The following SHANK1 variants were observed in gnomAD, a reference collection of about 807,000 sequenced individuals.
The protein encoded by SHANK1 is SH3 and multiple ankyrin repeat domains protein 1.
A neutral mutation model predicts 165.6 loss-of-function variants in SHANK1; 35 were observed. That is an observed-to-expected ratio of 0.21 (90% confidence interval 0.16 to 0.28). SHANK1 has a LOEUF of 0.28. Among genes scored for constraint, SHANK1 ranks in the 10% least tolerant of loss-of-function variants. The pLI is 1.00. For synonymous variants in SHANK1, 1,428 were observed against 1,384.8 expected, an observed-to-expected ratio of 1.03 and a Z score of -0.69; for missense variants, 2,681 against 3,036.4, an observed-to-expected ratio of 0.88 and a Z score of 2.75.
chr19:50,709,436 C>T (rs952390115), intron 8 of SHANK1, among the ~76,000 whole-genome samples: 11 of 152,044 alleles, frequency 7.2e-5, no homozygotes, highest in African/African-American at 1.7e-4. Context: ...CCACTGCGCC[C>T]GGCCTGCATG....
rs1316866500 is a variant in SHANK1 at position 50,659,256 on chromosome 19, C to T, written c.*2709G>A. ...TCCCAGGAAGGAGGCGGGGCCGGCT[C>T]GAGGGGGTGGATACTGTGAGTTTAA... is the stretch of plus-strand genomic sequence containing the variant. On this transcript the variant is annotated 3_prime_UTR_variant, in exon 24 of 24. Transcript: ENST00000293441. 6.0e-6 allele frequency: 5 copies of T among 831,536 alleles called. No homozygotes were observed. In the East Asian group the frequency reaches 1.0e-4, roughly 17 times the overall value. The allele number at this position is 831,536 out of a possible 1,614,324, so 51.5% of individuals were successfully genotyped here.
chr19:50,687,670 G>A lies in SHANK1; in HGVS notation c.2309-8C>T. ...GCTTGGCCTGCTGGGGTGCTGAAAA[G>A]GTGATGAGGGGAGGCATCAGTATCA... On this transcript the variant is annotated splice_region_variant and splice_polypyrimidine_tract_variant and intron_variant, in intron 18 of 23. Transcript: ENST00000293441. 1 of 1,479,604 alleles carries A rather than the reference G, an allele frequency of 6.8e-7. No individual in the cohort carries two copies. The allele number at this position is 1,479,604 out of a possible 1,614,324, so 91.7% of individuals were successfully genotyped here.
At position 50,667,646 on chromosome 19, in the gene SHANK1, G is replaced by A; in HGVS notation, c.4314C>T (p.Pro1438=). 2.1e-5 allele frequency: 29 copies of A among 1,411,518 alleles called. No individual in the cohort carries two copies. The highest frequency in any genetic ancestry group is 2.7e-5 in the Non-Finnish European group (29 of 1,092,562). 87.4% of individuals were successfully genotyped at this position (1,411,518 alleles called of 1,614,324 possible). A position where few individuals can be genotyped will look rare whatever the true frequency, so the allele number is the denominator to read the frequency against. The change falls in exon 23 of 24, where the codon CCC becomes CCT. Residue 1438 remains proline (P), a synonymous_variant. Coordinates refer to ENST00000293441, the MANE Select transcript of SHANK1 (RefSeq NM_016148.5). This position sits in a 1 kb window ranked among gnomAD's most constrained non-coding sequence, Gnocchi z 5.7. ...GGTGTAGCAGGGAACGCCGGGCGGC[G>A]GGCGGGCTGGCGGGAAGGGACTTCT... The part of the protein sequence containing the change: ...SQEKSLPASP[P]AARRSLLHRL...
Position 50,686,698 on chromosome 19 carries a change from G to C in SHANK1, c.2458+46C>G. 1 of 1,577,686 alleles carries C rather than the reference G, an allele frequency of 6.3e-7. No individual in the cohort carries two copies. Among genetic ancestry groups the C allele is most frequent in the South Asian group, 1.1e-5 (1 of 90,156 alleles). ...GTGGGACAGGGATGCAGCGGGTGCC[G>C]GGGCTGGGGCCCGGCATCCCGAGGA... is the stretch of plus-strand genomic sequence containing the variant. On this transcript the variant is annotated intron_variant, in intron 20 of 23. Coordinates refer to ENST00000293441, the MANE Select transcript of SHANK1 (RefSeq NM_016148.5). This position sits in a 1 kb window ranked among gnomAD's most constrained non-coding sequence, Gnocchi z 5.7.
chr19:50,702,589 C>T lies in SHANK1; in HGVS notation c.1625G>A (p.Gly542Asp). The change falls in exon 12 of 24, where the codon GGC becomes GAC. Residue 542 changes from glycine (G) to aspartate (D), a missense_variant. Gly to Asp is a moderately conservative substitution (Grantham distance 94, BLOSUM62 -1). This residue lies in a region of SHANK1 where 195 missense variants were observed against 186.2 expected (regional missense o/e 1.05). Transcript: ENST00000293441. The surrounding 1 kb of genome is among the most constrained non-coding windows in gnomAD (Gnocchi z 5.3). ...GGSGGPGGSL[G>D]SRGRRRKLYS... ...GAGCTTCCTCCGCCTCCCGCGGCTG[C>T]CCAGGGAGCCCCCGGGGCCCCCTGA... The T allele has an allele frequency of 6.2e-7, 1 of 1,605,402 alleles. No homozygotes were observed. Among genetic ancestry groups the T allele is most frequent in the Non-Finnish European group, 8.5e-7 (1 of 1,176,412 alleles).
chr19:50,673,803 T>C (rs1985886152), intron 21 of SHANK1, among the ~76,000 whole-genome samples: 1 of 143,010 alleles, frequency 7.0e-6, no homozygotes, highest in Non-Finnish European at 1.5e-5. Flanking sequence ...AACAAAGTCA[T>C]AAAATTTAAA....
At position 50,666,602 on chromosome 19, in the gene SHANK1, G is replaced by A. The variant is rs537665740; in HGVS notation, c.5358C>T (p.Thr1786=). 4.9e-5 allele frequency: 78 copies of A among 1,600,246 alleles called. No homozygotes were observed. The African/African-American group carries it at 8.3e-4, about 17-fold the overall frequency. Residue 1786 remains threonine, a synonymous_variant, in exon 23 of 24, where the codon ACC becomes ACT. Coordinates refer to ENST00000293441, the MANE Select transcript of SHANK1 (RefSeq NM_016148.5). ...CGGTTCCAGCCCCTGTCACCGAGAC[G>A]GTGGGGCTGGTGGGGGTAACAGGGT... The part of the protein sequence containing the change: ...LRDPVTPTSP[T]VSVTGAGTDG...
At position 50,666,289 on chromosome 19, in the gene SHANK1, GAGCGCCGCC is replaced by G. The variant is rs774711022; in HGVS notation, c.5662_5670del (p.Gly1888_Ala1890del). On this transcript the variant is annotated inframe_deletion, in exon 23 of 24. Coordinates refer to ENST00000293441, the MANE Select transcript of SHANK1 (RefSeq NM_016148.5). ...CCACTGCCTCCTCGGGCCCAGGGCA[GAGCGCCGCC>G]AGCTGCCGAGGAGCCCCCAAACTGC... The G allele has an allele frequency of 2.5e-6, 4 of 1,612,160 alleles. No individual in the cohort carries two copies. The South Asian group carries it at 4.4e-5, about 18-fold the overall frequency.
Position 50,661,056 on chromosome 19 carries a change from G to A in SHANK1, c.*909C>T, listed in dbSNP as rs1327942368. On this transcript the variant is annotated 3_prime_UTR_variant, in exon 24 of 24. Transcript: ENST00000293441. ...TCAACGTAAGAAAATGGAGGTAAGA[G>A]TGTGTCAGGAGGGGTGCATAAGATA... Among the ~76,000 whole-genome samples, 1 of 152,036 alleles carries A rather than the reference G, an allele frequency of 6.6e-6. No homozygotes were observed. Among genetic ancestry groups the A allele is most frequent in the Non-Finnish European group, 1.5e-5 (1 of 68,020 alleles).
In SHANK1 at chr19:50,702,231, C is replaced by T. The variant is rs1316504765; in HGVS notation, c.1747+236G>A. The stretch of plus-strand genomic sequence containing the variant: ...GGTGAGAAGTTCCAGCCATGCCCTG[C>T]ACACGGCATCAGTGTCCCGCAGTGG... On this transcript the variant is annotated intron_variant, in intron 12 of 23. Coordinates refer to ENST00000293441, the MANE Select transcript of SHANK1 (RefSeq NM_016148.5). This position sits in a 1 kb window ranked among gnomAD's most constrained non-coding sequence, Gnocchi z 5.3. Among the ~76,000 whole-genome samples the T allele has an allele frequency of 6.6e-6, 1 of 152,182 alleles. No individual in the cohort carries two copies. Among genetic ancestry groups the T allele is most frequent in the East Asian group, 1.9e-4 (1 of 5,192 alleles).
At position 50,697,559 on chromosome 19, in the gene SHANK1, G is replaced by A; in HGVS notation, c.1937+30C>T. ...ATTGTGAAGGGAACTTGGGGTGAGG[G>A]GGGTTGCCCGAGGGTGTAAGGACAT... is the stretch of plus-strand genomic sequence containing the variant. On this transcript the variant is annotated intron_variant, in intron 14 of 23. Transcript: ENST00000293441. The surrounding 1 kb of genome is among the most constrained non-coding windows in gnomAD (Gnocchi z 4.7). The A allele has an allele frequency of 6.4e-7, 1 of 1,550,844 alleles. No homozygotes were observed. The highest frequency in any genetic ancestry group is 1.1e-5 in the South Asian group (1 of 89,694).
chr19:50,684,723 G>A (rs575905864), intron 21 of SHANK1, among the ~76,000 whole-genome samples: 2 of 152,252 alleles, frequency 1.3e-5, no homozygotes, highest in Admixed American at 1.3e-4. Context: ...ACCCATGCCT[G>A]TATCCCCAGT....
rs982390175 is a variant in SHANK1 at position 50,718,357 on chromosome 19, G to A, written c.-44+1049C>T. Among the ~76,000 whole-genome samples the A allele has an allele frequency of 6.6e-6, 1 of 152,120 alleles. No individual in the cohort carries two copies. On this transcript the variant is annotated intron_variant, in intron 1 of 23. Coordinates refer to ENST00000293441, the MANE Select transcript of SHANK1 (RefSeq NM_016148.5). This position sits in a 1 kb window ranked among gnomAD's most constrained non-coding sequence, Gnocchi z 5.1. The stretch of plus-strand genomic sequence containing the variant: ...CGCACAGCCCACCTCGCGATCTGGG[G>A]CCCGCAGACACTCCCCCTCGGCTGA...
chr19:50,709,358 G>A (rs2088981756), intron 8 of SHANK1, among the ~76,000 whole-genome samples: 2 of 152,060 alleles, frequency 1.3e-5, no homozygotes, highest in Admixed American at 1.3e-4. Flanking sequence ...AGCCAGGATG[G>A]TCTCAATCTC....
rs1218076467 is a variant in SHANK1 at position 50,717,046 on chromosome 19, A to G, written c.-43-84T>C. 9.3e-6 allele frequency: 11 copies of G among 1,180,808 alleles called. No homozygotes were observed. The highest frequency in any genetic ancestry group is 1.1e-5 in the Non-Finnish European group (10 of 903,252). The allele number at this position is 1,180,808 out of a possible 1,614,324, so 73.1% of individuals were successfully genotyped here. ...GCGCTATTCGGTGGTCAAGCGGTCAAGGGCAGCCTACCCCCACTGCCCAAG... is the reference window on the plus strand; with the variant it reads ...GCGCTATTCGGTGGTCAAGCGGTCAGGGGCAGCCTACCCCCACTGCCCAAG... On this transcript the variant is annotated intron_variant, in intron 1 of 23. Transcript: ENST00000293441. This position sits in a 1 kb window ranked among gnomAD's most constrained non-coding sequence, Gnocchi z 5.5.
chr19:50,687,526 AG>A, intron 19 of SHANK1, 55 bp downstream of exon 19: 1 of 1,378,382 alleles, frequency 7.3e-7, no homozygotes, highest in African/African-American at 1.5e-5. Context: ...GGGATGGTCC[AG>A]CCCTCCTTCC....
chr19:50,704,107 C>A lies in SHANK1; in HGVS notation c.1222+13G>T, dbSNP rs777599879. ...CCAGGTTCTCTGTGCAGTCCGAGCTCCCTGTCACTCACCCACATCCTGTTC... is the reference window on the plus strand; with the variant it reads ...CCAGGTTCTCTGTGCAGTCCGAGCTACCTGTCACTCACCCACATCCTGTTC... On this transcript the variant is annotated intron_variant, in intron 10 of 23. Transcript: ENST00000293441. 3.1e-6 allele frequency: 5 copies of A among 1,613,642 alleles called. No individual in the cohort carries two copies. Among genetic ancestry groups the A allele is most frequent in the Non-Finnish European group, 3.4e-6 (4 of 1,179,784 alleles).
Position 50,686,370 on chromosome 19 carries a change from A to G in SHANK1, c.2459-15T>C. On this transcript the variant is annotated splice_polypyrimidine_tract_variant and intron_variant, in intron 20 of 23. Transcript: ENST00000293441. The surrounding 1 kb of genome is among the most constrained non-coding windows in gnomAD (Gnocchi z 5.7). ...GTCCAGTTTGTCTAGGGGTAGATGA[A>G]TGAACAGAGGTGGGAAGACAATGAA... 6.5e-7 allele frequency: 1 copy of G among 1,533,292 alleles called. No homozygotes were observed. Among genetic ancestry groups the G allele is most frequent in the Non-Finnish European group, 8.9e-7 (1 of 1,120,316 alleles). The allele number at this position is 1,533,292 out of a possible 1,614,324, so 95.0% of individuals were successfully genotyped here.
chr19:50,670,984 G>A lies in SHANK1; in HGVS notation c.2674+1034C>T, dbSNP rs1020948041. On this transcript the variant is annotated intron_variant, in intron 22 of 23. Transcript: ENST00000293441. This position sits in a 1 kb window ranked among gnomAD's most constrained non-coding sequence, Gnocchi z 4.1. ...AATTTTTGTATTTTTAGTAGAAATGGGGTTTCATCATGTTGGTCAGGCTGG... is the reference window on the plus strand; with the variant it reads ...AATTTTTGTATTTTTAGTAGAAATGAGGTTTCATCATGTTGGTCAGGCTGG... Among the ~76,000 whole-genome samples, 6 of 151,416 alleles carry A rather than the reference G, an allele frequency of 4.0e-5. No homozygotes were observed. Among genetic ancestry groups the A allele is most frequent in the Admixed American group, 4.0e-4 (6 of 15,172 alleles).
Sources: allele counts gnomAD v4.1 joint callset (sites outside exome capture counted in the v4.1 genomes callset), GRCh38; gene constraint gnomAD v4.1.1; regional missense constraint gnomAD v4.1.1; non-coding constraint Gnocchi (gnomAD v3.1); transcripts MANE v1.5; gene names NCBI Gene and HGNC (gene_info 2026-07-23, HGNC 2026-07-21).